The following RUNX2 variants were observed in gnomAD, a reference collection of about 807,000 sequenced individuals.
The protein encoded by RUNX2 is runt-related transcription factor 2.
RUNX2 carries 10 observed loss-of-function variants against 51.7 expected under a neutral mutation model. The ratio of observed to expected loss-of-function variants is 0.19; its 90% CI spans 0.12 to 0.33. The LOEUF (loss-of-function observed/expected upper bound fraction) is 0.33. Ranked by LOEUF, RUNX2 falls within the 10% of genes least tolerant of loss-of-function variation. RUNX2 has a pLI of 1.00. For missense variants in RUNX2, 562 were observed against 691.3 expected (o/e 0.81, Z 2.10); for synonymous variants, 276 against 273.6 (o/e 1.01, Z -0.09).
chr6:45,527,273 A>G lies in RUNX2; in HGVS notation c.1021+14866A>G, dbSNP rs185695589. On this transcript the variant is annotated intron_variant, in intron 7 of 8. Coordinates refer to ENST00000647337, the MANE Select transcript of RUNX2 (RefSeq NM_001024630.4). ...AGTTATGCAGGGCCACTACAGGTCA[A>G]GATCAGAGGTTTAGATTTGCTGTTA... is the stretch of plus-strand genomic sequence containing the variant. 5.2e-3 allele frequency among the ~76,000 whole-genome samples: 790 copies of G among 152,374 alleles called. 8 individuals are homozygous for G. Among genetic ancestry groups the G allele is most frequent in the Non-Finnish European group, 7.0e-3 (473 of 68,034 alleles).
At chr6:45,479,128 C>T (rs1049908529) in intron 5 of RUNX2, among the ~76,000 whole-genome samples, 12 of 152,284 alleles carry the variant, frequency 7.9e-5, no homozygotes, top group Admixed American at 2.0e-4. Flanking sequence ...AGAGCCCATC[C>T]TCTGAGCAGA....
intron 2 of RUNX2, among the ~76,000 whole-genome samples, chr6:45,374,279 A>C (rs1459646362): frequency 6.6e-6 from 1 of 152,220 alleles, no homozygotes; most frequent in East Asian, 1.9e-4. Flanking sequence ...TATCACTTCT[A>C]GATTATCCAA....
intron 4 of RUNX2, among the ~76,000 whole-genome samples, chr6:45,433,515 A>G (rs1255323978): frequency 6.6e-6 from 1 of 151,988 alleles, no homozygotes; most frequent in Non-Finnish European, 1.5e-5. Context: ...TAGAGTAATG[A>G]ATTTTAGTTT....
chr6:45,396,141 A>G (rs964930796), intron 2 of RUNX2, among the ~76,000 whole-genome samples: 1 of 152,222 alleles, frequency 6.6e-6, no homozygotes, highest in Non-Finnish European at 1.5e-5. Flanking sequence ...CATAATATGC[A>G]TCTGTCAAAA....
chr6:45,548,036 C>T lies in RUNX2; in HGVS notation c.*731C>T, dbSNP rs948470537. The T allele has an allele frequency of 6.6e-6, 1 of 152,584 alleles. No homozygotes were observed. The allele number at this position is 152,584 out of a possible 1,614,324, so 9.5% of individuals were successfully genotyped here. On this transcript the variant is annotated 3_prime_UTR_variant, in exon 9 of 9. Coordinates refer to ENST00000647337, the MANE Select transcript of RUNX2 (RefSeq NM_001024630.4). Reference sequence around the variant, plus strand: ...AAGAAATCCCATCCCTAAAACCTGCCTTCTCCTTTTATGCAAAACTGAAAA... The same window carrying T: ...AAGAAATCCCATCCCTAAAACCTGCTTTCTCCTTTTATGCAAAACTGAAAA...
intron 2 of RUNX2, among the ~76,000 whole-genome samples, chr6:45,393,726 C>T (rs560500716): frequency 6.6e-6 from 1 of 152,138 alleles, no homozygotes; most frequent in Admixed American, 6.5e-5. Flanking sequence ...CTGCACCCAG[C>T]CCGGTAAAGG....
chr6:45,383,121 A>G (rs1490542225), intron 2 of RUNX2, among the ~76,000 whole-genome samples: 1 of 152,188 alleles, frequency 6.6e-6, no homozygotes, highest in East Asian at 1.9e-4. Flanking sequence ...TATTATCTTT[A>G]ATGTTTTGCC....
At chr6:45,384,706 CTTTTTTTTTTTTTTTT>C (rs56307239) in intron 2 of RUNX2, among the ~76,000 whole-genome samples, 1 of 61,210 alleles carries the variant, frequency 1.6e-5, no homozygotes, top group South Asian at 6.9e-4. Flanking sequence ...ATTAGGGTGT[CTTTTTTTTTTTTTTTT>C]TTTTTTTTTT....
chr6:45,370,843 C>T (rs1436324942), intron 2 of RUNX2, among the ~76,000 whole-genome samples: 1 of 152,110 alleles, frequency 6.6e-6, no homozygotes, highest in Non-Finnish European at 1.5e-5. Context: ...AGCATATCCT[C>T]CTTCTTTAGT....
intron 7 of RUNX2, among the ~76,000 whole-genome samples, chr6:45,535,623 AAAAG>A (rs1802008159): frequency 6.6e-6 from 1 of 152,030 alleles, no homozygotes; most frequent in Non-Finnish European, 1.5e-5. Context: ...AAAAGAAAGA[AAAAG>A]AAAGATACAA....
chr6:45,490,286 T>C (rs1256940672), intron 5 of RUNX2, among the ~76,000 whole-genome samples: 1 of 152,222 alleles, frequency 6.6e-6, no homozygotes, highest in Non-Finnish European at 1.5e-5. Flanking sequence ...CCATTAACAA[T>C]GAATTTCTCT....
intron 5 of RUNX2, among the ~76,000 whole-genome samples, chr6:45,441,686 T>C (rs1798846110): frequency 6.6e-6 from 1 of 152,208 alleles, no homozygotes; most frequent in South Asian, 2.1e-4. Context: ...GCAGATGACT[T>C]TACTAATTTT....
chr6:45,525,089 T>C (rs1168908476), intron 7 of RUNX2, among the ~76,000 whole-genome samples: 2 of 152,184 alleles, frequency 1.3e-5, no homozygotes, highest in Admixed American at 6.5e-5. Context: ...CCAGCCTGGG[T>C]GACAGAGTGA....
chr6:45,329,779 CTT>C (rs1430927658), intron 2 of RUNX2, among the ~76,000 whole-genome samples: 1 of 151,942 alleles, frequency 6.6e-6, no homozygotes, highest in Non-Finnish European at 1.5e-5. Flanking sequence ...ATGTAAATGA[CTT>C]TAACATTCAT....
chr6:45,409,684 CACTT>C (rs1797909278), intron 2 of RUNX2, among the ~76,000 whole-genome samples: 6 of 152,246 alleles, frequency 3.9e-5, no homozygotes, highest in African/African-American at 1.4e-4. Context: ...AGAATAATAA[CACTT>C]AATAATATGA....
intron 2 of RUNX2, among the ~76,000 whole-genome samples, chr6:45,367,660 C>T (rs983269386): frequency 2.6e-5 from 4 of 152,124 alleles, no homozygotes; most frequent in African/African-American, 9.7e-5. Flanking sequence ...AGTAGTAACC[C>T]CAGCCTCCAG....
intron 2 of RUNX2, among the ~76,000 whole-genome samples, chr6:45,386,507 T>C (rs1046933152): frequency 1.3e-5 from 2 of 152,236 alleles, no homozygotes; most frequent in Admixed American, 1.3e-4. Context: ...AAGTGTTGAC[T>C]GGAGCAGAGA....
At chr6:45,377,987 C>A (rs1243710751) in intron 2 of RUNX2, 1 of 143,636 alleles carries the variant, frequency 7.0e-6, no homozygotes, top group Non-Finnish European at 1.5e-5. Context: ...CTCGGTGGGG[C>A]GGGGGTTGCG....
Position 45,512,317 on chromosome 6 carries a change from ACGTCCC to A in RUNX2, c.937_942del (p.Pro313_Ser314del). Reference sequence around the variant, plus strand: ...TTACCCCTCCTACCTGAGCCAGATGACGTCCCCGTCCATCCACTCTACCACCCCGCT... The same window carrying A: ...TTACCCCTCCTACCTGAGCCAGATGACGTCCATCCACTCTACCACCCCGCT... On this transcript the variant is annotated inframe_deletion, in exon 7 of 9. Transcript: ENST00000647337. 1 of 1,614,080 alleles carries A rather than the reference ACGTCCC, an allele frequency of 6.2e-7. No individual in the cohort carries two copies. The highest frequency in any genetic ancestry group is 8.5e-7 in the Non-Finnish European group (1 of 1,180,004).
Sources: allele counts gnomAD v4.1 joint callset (sites outside exome capture counted in the v4.1 genomes callset), GRCh38; gene constraint gnomAD v4.1.1; transcripts MANE v1.5; gene names NCBI Gene and HGNC (gene_info 2026-07-23, HGNC 2026-07-21).